The following GABBR1 variants were observed in gnomAD, a reference collection of about 807,000 sequenced individuals.
The protein encoded by GABBR1 is gamma-aminobutyric acid type B receptor subunit 1.
Under a neutral mutation model 117.7 loss-of-function variants are expected in GABBR1, and 35 were observed. The ratio of observed to expected loss-of-function variants is 0.30; its 90% CI spans 0.23 to 0.39. The LOEUF (loss-of-function observed/expected upper bound fraction) is 0.39, where lower values mean the gene tolerates loss of function less well. Among genes scored for constraint, GABBR1 ranks in the 10% least tolerant of loss-of-function variants. GABBR1 has a pLI of 1.00. For synonymous variants in GABBR1, 442 were observed against 486.6 expected, an observed-to-expected ratio of 0.91 and a Z score of 1.21; for missense variants, 709 against 1,241.8, an observed-to-expected ratio of 0.57 and a Z score of 6.45.
chr6:29,623,239 C>G lies in GABBR1; in HGVS notation c.963+66G>C. 1.4e-6 allele frequency: 2 copies of G among 1,448,242 alleles called. No individual in the cohort carries two copies. Among genetic ancestry groups the G allele is most frequent in the Non-Finnish European group, 1.9e-6 (2 of 1,052,488 alleles). The allele number at this position is 1,448,242 out of a possible 1,614,324, so 89.7% of individuals were successfully genotyped here. On this transcript the variant is annotated intron_variant, in intron 8 of 22. Coordinates refer to ENST00000377034, the MANE Select transcript of GABBR1 (RefSeq NM_001470.4). This position sits in a 1 kb window ranked among gnomAD's most constrained non-coding sequence, Gnocchi z 6.2. ...TTCTTGCCCCTAAAAGTGACTCTCA[C>G]GTCACATCTCCTGGTGCTGGAATTT...
intron 14 of GABBR1, among the ~76,000 whole-genome samples, chr6:29,610,349 G>C (rs28359965): frequency 0.039 from 5,901 of 152,088 alleles, 147 homozygotes; most frequent in Middle Eastern, 0.14. Context: ...GCACTGTTCG[G>C]GTGACAGGCA....
chr6:29,626,464 C>T (rs902363906), intron 6 of GABBR1, among the ~76,000 whole-genome samples: 1 of 152,024 alleles, frequency 6.6e-6, no homozygotes, highest in African/African-American at 2.4e-5. Flanking sequence ...GTGTCACATC[C>T]TTCCCTGCAC....
At position 29,603,575 on chromosome 6, in the gene GABBR1, C is replaced by A; in HGVS notation, c.2854G>T (p.Asp952Tyr). ...PPEPPDRLSC[D>Y]GSRVHLLYK is the part of the protein sequence containing the mutation. ...TAAAGCAAATGCACTCGACTCCCAT[C>A]ACAGCTAAGCCGGTCGGGGGGCTCA... The change falls in exon 23 of 23, where the codon GAT (aspartate) becomes TAT (tyrosine). Residue 952 changes from aspartate to tyrosine, a missense_variant. Around this residue, in one of 9 missense-constraint regions of GABBR1, gnomAD observed 69 missense variants for 64.3 expected, o/e 1.07. Coordinates refer to ENST00000377034, the MANE Select transcript of GABBR1 (RefSeq NM_001470.4). 6.3e-7 allele frequency: 1 copy of A among 1,592,276 alleles called. No homozygotes were observed. Among genetic ancestry groups the A allele is most frequent in the South Asian group, 1.1e-5 (1 of 87,234 alleles).
In GABBR1 at chr6:29,630,604, C is replaced by G; in HGVS notation, c.329G>C (p.Gly110Ala). 6.2e-7 allele frequency: 1 copy of G among 1,612,948 alleles called. No individual in the cohort carries two copies. Among genetic ancestry groups the G allele is most frequent in the Non-Finnish European group, 8.5e-7 (1 of 1,179,914 alleles). The change falls in exon 4 of 23, where the codon GGG (glycine) becomes GCG (alanine). Residue 110 changes from glycine to alanine, a missense_variant. Physicochemically the swap from Gly to Ala is moderately conservative, Grantham distance 60. Around this residue, in one of 9 missense-constraint regions of GABBR1, gnomAD observed 101 missense variants for 132.3 expected, o/e 0.76. Transcript: ENST00000377034. The surrounding 1 kb of genome is among the most constrained non-coding windows in gnomAD (Gnocchi z 4.9). ...GTCCCCACCCGTCAGGAAAACCTTC[C>G]CATTTTCCAGGGTCAAATAAGACTT... ...CSKSYLTLENGKVFLTGGDLP... is the reference protein window; with the variant it reads ...CSKSYLTLENAKVFLTGGDLP...
rs183510158 is a variant in GABBR1, at chr6:29,607,488, C to G, written c.1993-270G>C. 6.6e-6 allele frequency among the ~76,000 whole-genome samples: 1 copy of G among 152,166 alleles called. No homozygotes were observed. The highest frequency in any genetic ancestry group is 2.4e-5 in the African/African-American group (1 of 41,426). On this transcript the variant is annotated intron_variant, in intron 16 of 22. Coordinates refer to ENST00000377034, the MANE Select transcript of GABBR1 (RefSeq NM_001470.4). The surrounding 1 kb of genome is among the most constrained non-coding windows in gnomAD (Gnocchi z 5.0). The stretch of plus-strand genomic sequence containing the variant: ...TCCTGGCTTTAGTGGCCAAAAACCT[C>G]CAACCACTCCCCAATATCTATAAGT...
chr6:29,608,851 G>T, intron 15 of GABBR1, 118 bp from the exon 16 acceptor site: 1 of 1,133,940 alleles, frequency 8.8e-7, no homozygotes, highest in Non-Finnish European at 1.3e-6. Context: ...AGGGGCTAAA[G>T]GAAGACAGGA....
At chr6:29,612,670 GAACA>G in intron 12 of GABBR1, 56 bp from the exon 13 acceptor site, 4 of 1,377,828 alleles carry the variant, frequency 2.9e-6, no homozygotes, top group South Asian at 1.2e-5. Flanking sequence ...GAGTGAAAGA[GAACA>G]TCAGGGACTC....
At chr6:29,608,777 C>A (rs763157649) in intron 15 of GABBR1, 44 bp from the exon 16 acceptor site, 26 of 1,598,040 alleles carry the variant, frequency 1.6e-5, no homozygotes, top group Non-Finnish European at 2.2e-5. Flanking sequence ...AGAATTACCC[C>A]TCTTCTCCAG....
At chr6:29,624,603 G>A (rs1321935326) in intron 6 of GABBR1, among the ~76,000 whole-genome samples, 1 of 152,134 alleles carries the variant, frequency 6.6e-6, no homozygotes, top group Non-Finnish European at 1.5e-5. Context: ...CTCCTGCTGG[G>A]CGCTGACATT....
Position 29,621,926 on chromosome 6 carries a change from G to T in GABBR1, c.1066-109C>A. The T allele has an allele frequency of 1.7e-6, 2 of 1,185,410 alleles. No individual in the cohort carries two copies. Among genetic ancestry groups the T allele is most frequent in the Non-Finnish European group, 2.5e-6 (2 of 804,050 alleles). The allele number at this position is 1,185,410 out of a possible 1,614,324, so 73.4% of individuals were successfully genotyped here. A position where few individuals can be genotyped will look rare whatever the true frequency, so the allele number is the denominator to read the frequency against. On this transcript the variant is annotated intron_variant, in intron 9 of 22. Transcript: ENST00000377034. This position sits in a 1 kb window ranked among gnomAD's most constrained non-coding sequence, Gnocchi z 5.0. The stretch of plus-strand genomic sequence containing the variant: ...CCCATCCCAAAGTGCTTAGTGCAGG[G>T]TAACGCTCAACGTATAGTGAATAAA...
At position 29,603,735 on chromosome 6, in the gene GABBR1, T is replaced by C. The variant is rs753174868; in HGVS notation, c.2713-19A>G. 1 of 1,456,958 alleles carries C rather than the reference T, an allele frequency of 6.9e-7. No homozygotes were observed. Among genetic ancestry groups the C allele is most frequent in the Non-Finnish European group, 9.0e-7 (1 of 1,106,184 alleles). The allele number at this position is 1,456,958 out of a possible 1,614,324, so 90.3% of individuals were successfully genotyped here. A position where few individuals can be genotyped will look rare whatever the true frequency, so the allele number is the denominator to read the frequency against. On this transcript the variant is annotated intron_variant, in intron 22 of 22. Coordinates refer to ENST00000377034, the MANE Select transcript of GABBR1 (RefSeq NM_001470.4). ...CCTCTTTCTGGAGGAAGAAGCACAATTGGGATAGTAGGAGAAGAGGAGGTG... is the reference window on the plus strand; with the variant it reads ...CCTCTTTCTGGAGGAAGAAGCACAACTGGGATAGTAGGAGAAGAGGAGGTG...
chr6:29,624,086 T>C, intron 6 of GABBR1, 62 bp from the exon 7 acceptor site: 2 of 1,457,854 alleles, frequency 1.4e-6, no homozygotes, highest in Non-Finnish European at 1.8e-6. Context: ...CTGCAATTCC[T>C]GCTCTTATCT....
Position 29,627,818 on chromosome 6 carries a change from G to A in GABBR1, c.497-172C>T, listed in dbSNP as rs528493184. ...GCGTGGGGGGCAGGGGTAGCTGTTG[G>A]GGAGCGTTAGGAGCTCAGGGGGGAC... On this transcript the variant is annotated intron_variant, in intron 5 of 22. Coordinates refer to ENST00000377034, the MANE Select transcript of GABBR1 (RefSeq NM_001470.4). This position sits in a 1 kb window ranked among gnomAD's most constrained non-coding sequence, Gnocchi z 4.4. 5.6e-6 allele frequency: 8 copies of A among 1,425,924 alleles called. No homozygotes were observed. In the African/African-American group the frequency reaches 7.3e-5, roughly 13 times the overall value. The allele number at this position is 1,425,924 out of a possible 1,614,324, so 88.3% of individuals were successfully genotyped here. A position where few individuals can be genotyped will look rare whatever the true frequency, so the allele number is the denominator to read the frequency against.
rs138253465 is a variant in GABBR1, at chr6:29,625,924, G to A, written c.657+1562C>T. Among the ~76,000 whole-genome samples, 128 of 151,990 alleles carry A rather than the reference G, an allele frequency of 8.4e-4. 1 individual carries two copies. The highest frequency in any genetic ancestry group is 3.8e-3 in the Admixed American group (58 of 15,258). ...TCCTCTACTTCTCTTCCTGCCTCCCGTACCCTAATACCTAATTATTTTCCT... is the reference window on the plus strand; with the variant it reads ...TCCTCTACTTCTCTTCCTGCCTCCCATACCCTAATACCTAATTATTTTCCT... On this transcript the variant is annotated intron_variant, in intron 6 of 22. Coordinates refer to ENST00000377034, the MANE Select transcript of GABBR1 (RefSeq NM_001470.4).
chr6:29,628,391 G>A (rs1372186264), intron 5 of GABBR1, among the ~76,000 whole-genome samples: 1 of 152,150 alleles, frequency 6.6e-6, no homozygotes, highest in Non-Finnish European at 1.5e-5. Context: ...AGAGAAACGG[G>A]GCTGGCGCCT....
chr6:29,621,016 T>G lies in GABBR1; in HGVS notation c.1323+85A>C. ...TCCTTTATATCCAAATTCCGCACCC[T>G]CTCCCTGCCACCCTTTCCCCTGCAA... is the stretch of plus-strand genomic sequence containing the variant. On this transcript the variant is annotated intron_variant, in intron 11 of 22. Transcript: ENST00000377034. This position sits in a 1 kb window ranked among gnomAD's most constrained non-coding sequence, Gnocchi z 5.0. The G allele has an allele frequency of 8.2e-7, 1 of 1,225,692 alleles. No homozygotes were observed. Among genetic ancestry groups the G allele is most frequent in the Non-Finnish European group, 1.1e-6 (1 of 876,510 alleles). 75.9% of individuals were successfully genotyped at this position (1,225,692 alleles called of 1,614,324 possible).
intron 14 of GABBR1, among the ~76,000 whole-genome samples, chr6:29,610,537 G>A (rs531940058): frequency 2.6e-5 from 4 of 152,088 alleles, no homozygotes; most frequent in South Asian, 2.1e-4. Flanking sequence ...TTAAGCAACC[G>A]TTTTCCTGAC....
At chr6:29,612,493 T>C in intron 13 of GABBR1, 58 bp downstream of exon 13, 1 of 1,485,108 alleles carries the variant, frequency 6.7e-7, no homozygotes, top group Non-Finnish European at 9.4e-7. Flanking sequence ...CCAGGGGGCA[T>C]CCCAGCCCAG....
chr6:29,621,899 T>C lies in GABBR1; in HGVS notation c.1066-82A>G. ...AGCCAGATGTCTTCACAGCTTTGATTTCCCATCCCAAAGTGCTTAGTGCAG... is the reference window on the plus strand; with the variant it reads ...AGCCAGATGTCTTCACAGCTTTGATCTCCCATCCCAAAGTGCTTAGTGCAG... On this transcript the variant is annotated intron_variant, in intron 9 of 22. Coordinates refer to ENST00000377034, the MANE Select transcript of GABBR1 (RefSeq NM_001470.4). The surrounding 1 kb of genome is among the most constrained non-coding windows in gnomAD (Gnocchi z 5.0). 7.0e-7 allele frequency: 1 copy of C among 1,425,556 alleles called. No homozygotes were observed. The highest frequency in any genetic ancestry group is 9.9e-7 in the Non-Finnish European group (1 of 1,013,690). The allele number at this position is 1,425,556 out of a possible 1,614,324, so 88.3% of individuals were successfully genotyped here.
Sources: gnomAD v4.1 joint callset for allele counts (sites outside exome capture counted in the v4.1 genomes callset) on GRCh38, gnomAD v4.1.1 for gene constraint, gnomAD v4.1.1 regional missense constraint, Gnocchi (gnomAD v3.1) non-coding constraint, MANE v1.5 for transcripts, NCBI Gene and HGNC (gene_info 2026-07-23, HGNC 2026-07-21) for gene names.